Variants in BAIAP2 observed in about 807,000 individuals in gnomAD.
BAIAP2 encodes the protein BAR/IMD domain containing adaptor protein 2.
In BAIAP2, 18 loss-of-function variants were observed where a neutral mutation model predicts 63.0. That is an observed-to-expected ratio of 0.29 (90% CI 0.20 to 0.42). BAIAP2 has a LOEUF of 0.42. BAIAP2 is among the 10% of genes least tolerant of loss of function. The pLI, the probability that BAIAP2 is intolerant of heterozygous loss-of-function variation, is 1.00. For synonymous variants in BAIAP2, 386 were observed against 307.6 expected, an observed-to-expected ratio of 1.25 and a Z score of -2.67; for missense variants, 610 against 734.3, an observed-to-expected ratio of 0.83 and a Z score of 1.96.
Position 81,116,440 on chromosome 17 carries a change from C to G in BAIAP2, c.*601C>G. 5.1e-6 allele frequency: 6 copies of G among 1,183,478 alleles called. No homozygotes were observed. The highest frequency in any genetic ancestry group is 7.1e-6 in the Non-Finnish European group (6 of 848,790). The allele number at this position is 1,183,478 out of a possible 1,614,324, so 73.3% of individuals were successfully genotyped here. A position where few individuals can be genotyped will look rare whatever the true frequency, so the allele number is the denominator to read the frequency against. On this transcript the variant is annotated 3_prime_UTR_variant, in exon 14 of 14. Transcript: ENST00000428708. Reference sequence around the variant, plus strand: ...ACTGGCAATGTCACAAGGGCCTCCCCAGGCCCCTCCTGCCTCGGGCAGGCC... The same window carrying G: ...ACTGGCAATGTCACAAGGGCCTCCCGAGGCCCCTCCTGCCTCGGGCAGGCC...
At chr17:81,095,446 T>C (rs1447348226) in intron 6 of BAIAP2, among the ~76,000 whole-genome samples, 2 of 152,196 alleles carry the variant, frequency 1.3e-5, no homozygotes, top group Middle Eastern at 3.2e-3. Flanking sequence ...AGCTCCTGCC[T>C]GGCCTAGATT....
At chr17:81,049,829 G>A (rs2048384579) in intron 1 of BAIAP2, among the ~76,000 whole-genome samples, 2 of 152,260 alleles carry the variant, frequency 1.3e-5, no homozygotes, top group African/African-American at 4.8e-5. Context: ...GATTAGGGGA[G>A]CCGGAGGTGG....
rs1568203490 is a variant in BAIAP2 at position 81,113,800 on chromosome 17, C to T, written c.1536-1970C>T. On this transcript the variant is annotated intron_variant, in intron 13 of 13. Coordinates refer to ENST00000428708, the MANE Select transcript of BAIAP2 (RefSeq NM_001144888.2). ...CCTGCACCAGTGGAGGGCTTCCTAC[C>T]CCTGCAGCTCCCCGTGGGGTCCAGG... 2.6e-5 allele frequency among the ~76,000 whole-genome samples: 4 copies of T among 152,204 alleles called. No individual in the cohort carries two copies. The South Asian group carries it at 8.3e-4, about 32-fold the overall frequency.
intron 1 of BAIAP2, among the ~76,000 whole-genome samples, chr17:81,039,891 C>T (rs2046846382): frequency 6.6e-6 from 1 of 152,208 alleles, no homozygotes; most frequent in African/African-American, 2.4e-5. Flanking sequence ...AGGAGGCAGA[C>T]TGGCCGGGAG....
intron 1 of BAIAP2, among the ~76,000 whole-genome samples, chr17:81,043,459 G>C (rs9906253): frequency 6.6e-6 from 1 of 152,176 alleles, no homozygotes; most frequent in Admixed American, 6.5e-5. Flanking sequence ...CGGTCCGACC[G>C]GTGGCAGGAG....
At chr17:81,092,293 G>A (rs928321194) in intron 6 of BAIAP2, among the ~76,000 whole-genome samples, 3 of 152,334 alleles carry the variant, frequency 2.0e-5, no homozygotes, top group South Asian at 2.1e-4. Flanking sequence ...GGGTGCCTAC[G>A]AGGCCGAGGC....
intron 3 of BAIAP2, among the ~76,000 whole-genome samples, chr17:81,075,508 T>C (rs1010360782): frequency 3.3e-5 from 5 of 152,238 alleles, no homozygotes; most frequent in Admixed American, 3.3e-4. Flanking sequence ...TCTTCAGGGA[T>C]GAGCAGTTAA....
Position 81,116,485 on chromosome 17 carries a change from A to C in BAIAP2, c.*646A>C. ...CAGGCCCCAGCCCTCCTCCTTACCCAACCTCCCATCCAGAACCTTGCTGCC... is the reference window on the plus strand; with the variant it reads ...CAGGCCCCAGCCCTCCTCCTTACCCCACCTCCCATCCAGAACCTTGCTGCC... On this transcript the variant is annotated 3_prime_UTR_variant, in exon 14 of 14. Transcript: ENST00000428708. 2 of 766,342 alleles carry C rather than the reference A, an allele frequency of 2.6e-6. No homozygotes were observed. The highest frequency in any genetic ancestry group is 2.0e-6 in the Non-Finnish European group (1 of 491,456). 47.5% of individuals were successfully genotyped at this position (766,342 alleles called of 1,614,324 possible).
chr17:81,048,150 T>A (rs141427178), intron 1 of BAIAP2, among the ~76,000 whole-genome samples: 6,973 of 152,244 alleles, frequency 0.046, 174 homozygotes, highest in Non-Finnish European at 0.058. Flanking sequence ...TTTGGGAGGC[T>A]GAGGCGGGCG....
chr17:81,105,804 G>A, intron 10 of BAIAP2: 1 of 390,394 alleles, frequency 2.6e-6, no homozygotes, highest in Non-Finnish European at 4.7e-6. Flanking sequence ...AGGAGCAACT[G>A]CTCTGCCCGG....
At position 81,053,191 on chromosome 17, in the gene BAIAP2, A is replaced by G. The variant is rs368513503; in HGVS notation, c.55-477A>G. On this transcript the variant is annotated intron_variant, in intron 1 of 13. Transcript: ENST00000428708. ...GCACGGCATCTGCAGATCAGGCTGC[A>G]GTGGTGCTAATCAGAGCTGAGGTTT... Among the ~76,000 whole-genome samples the G allele has an allele frequency of 2.6e-4, 39 of 151,432 alleles. No homozygotes were observed. The East Asian group carries it at 6.4e-3, about 25-fold the overall frequency.
chr17:81,050,724 CAAAT>C (rs1467648326), intron 1 of BAIAP2, among the ~76,000 whole-genome samples: 209 of 18,306 alleles, frequency 0.011, 1 homozygote, highest in African/African-American at 0.032. Context: ...CACACGCACA[CAAAT>C]GTGCACATGC....
intron 3 of BAIAP2, among the ~76,000 whole-genome samples, chr17:81,075,444 G>C (rs1393012339): frequency 6.6e-6 from 1 of 152,248 alleles, no homozygotes; most frequent in Non-Finnish European, 1.5e-5. Flanking sequence ...GTCGCCTCAA[G>C]TGGGCCGCCT....
chr17:81,085,353 T>C (rs1197836520), intron 4 of BAIAP2: 2 of 578,542 alleles, frequency 3.5e-6, no homozygotes, highest in Non-Finnish European at 3.2e-6. Flanking sequence ...TCTCAGCCTG[T>C]GTCGCAGTGA....
At chr17:81,085,880 G>A (rs1023717924) in intron 5 of BAIAP2, among the ~76,000 whole-genome samples, 155 bp downstream of exon 5, 1 of 152,244 alleles carries the variant, frequency 6.6e-6, no homozygotes, top group Non-Finnish European at 1.5e-5. Context: ...ATTTGGGACC[G>A]AGTGCCCCTG....
At chr17:81,067,715 C>T (rs1169200133) in intron 3 of BAIAP2, among the ~76,000 whole-genome samples, 2 of 152,224 alleles carry the variant, frequency 1.3e-5, no homozygotes, top group Non-Finnish European at 2.9e-5. Context: ...GCTGCTGCTC[C>T]CTTTGGCCCA....
At chr17:81,040,266 A>G (rs1426961311) in intron 1 of BAIAP2, among the ~76,000 whole-genome samples, 1 of 152,216 alleles carries the variant, frequency 6.6e-6, no homozygotes, top group Non-Finnish European at 1.5e-5. Flanking sequence ...GGCTGCACAG[A>G]GCCCGTGGTC....
chr17:81,103,531 G>T lies in BAIAP2; in HGVS notation c.672G>T (p.Pro224=), dbSNP rs371666322. ...AGGAGCTGCTGGCGCAGAAGCTGCC[G>T]CTGTGGCAACAGGCCTGTGCCGACC... ...KGKELLAQKL[P]LWQQACADPS... is the part of the protein sequence containing the mutation. Residue 224 remains proline, a synonymous_variant, in exon 8 of 14, where the codon CCG becomes CCT. Transcript: ENST00000428708. 3.8e-6 allele frequency: 6 copies of T among 1,590,420 alleles called. No homozygotes were observed. In the African/African-American group the frequency reaches 6.7e-5, roughly 18 times the overall value.
intron 1 of BAIAP2, among the ~76,000 whole-genome samples, chr17:81,051,754 A>G (rs747476363): frequency 7.9e-5 from 12 of 152,162 alleles, no homozygotes; most frequent in South Asian, 2.1e-4. Flanking sequence ...CAATGGCACA[A>G]TCACAGTTCA....
Sources: gnomAD v4.1 joint callset for allele counts (sites outside exome capture counted in the v4.1 genomes callset) on GRCh38, gnomAD v4.1.1 for gene constraint, MANE v1.5 for transcripts, NCBI Gene and HGNC (gene_info 2026-07-23, HGNC 2026-07-21) for gene names.